The following OR51B5 variants were observed in gnomAD, a reference collection of about 807,000 sequenced individuals.
OR51B5 encodes the protein olfactory receptor family 51 subfamily B member 5.
For synonymous variants in OR51B5, 186 were observed against 144.8 expected (o/e 1.28, Z -2.04); for missense variants, 456 against 374.6 (o/e 1.22, Z -1.79).
At chr11:5,400,007 A>C (rs138543761) in intron 1 of OR51B5, among the ~76,000 whole-genome samples, 1 of 152,338 alleles carries the variant, frequency 6.6e-6, no homozygotes, top group East Asian at 1.9e-4. Flanking sequence ...TATTTGGTCT[A>C]TTTAAAGAAC....
At chr11:5,393,752 T>C (rs1032274095) in intron 1 of OR51B5, among the ~76,000 whole-genome samples, 3 of 152,192 alleles carry the variant, frequency 2.0e-5, no homozygotes, top group African/African-American at 7.2e-5. Context: ...GGAGGTATTA[T>C]TATTTTCAAT....
intron 1 of OR51B5, chr11:5,354,808 G>A (rs2736564): frequency 0.32 from 61,032 of 190,528 alleles, 11,237 homozygotes; most frequent in African/African-American, 0.37. Flanking sequence ...CAAACAGTTT[G>A]AAGAATATGT....
chr11:5,480,056 T>G (rs1430442181), intron 1 of OR51B5, among the ~76,000 whole-genome samples: 1 of 151,996 alleles, frequency 6.6e-6, no homozygotes, highest in African/African-American at 2.4e-5. Context: ...CAACAGAATA[T>G]ACATTTTTTT....
intron 1 of OR51B5, among the ~76,000 whole-genome samples, chr11:5,359,919 G>C (rs1032799996): frequency 6.6e-5 from 10 of 152,188 alleles, no homozygotes; most frequent in African/African-American, 2.4e-4. Flanking sequence ...AATAAATGGT[G>C]CTGGGAAAAC....
chr11:5,389,449 T>C (rs567680788), intron 1 of OR51B5: 4 of 1,613,910 alleles, frequency 2.5e-6, no homozygotes, highest in Non-Finnish European at 3.4e-6. Context: ...TATCCAACAT[T>C]ACTCAGTTTA....
intron 1 of OR51B5, among the ~76,000 whole-genome samples, chr11:5,461,647 T>C (rs7935943): frequency 1.3e-5 from 2 of 152,078 alleles, no homozygotes; most frequent in African/African-American, 2.4e-5. Flanking sequence ...TTGCACAGAC[T>C]GGAGTTCTGT....
rs10636129 is a variant in OR51B5 at position 5,418,877 on chromosome 11, T to TAAAA, written n.85-71971_85-71968dup. On this transcript the variant is annotated intron_variant and non_coding_transcript_variant, in intron 1 of 4. Coordinates refer to the OR51B5 transcript ENST00000415970. Reference sequence around the variant, plus strand: ...ATGTACCCCAGAACTTGAAGTATTATAAAAAAAAAAAAAGCATCATCTGGT... The same window carrying TAAAA: ...ATGTACCCCAGAACTTGAAGTATTATAAAAAAAAAAAAAAAAAGCATCATCTGGT... Among the ~76,000 whole-genome samples the TAAAA allele has an allele frequency of 9.6e-3, 1,285 of 133,612 alleles. 46 individuals are homozygous for TAAAA. The highest frequency in any genetic ancestry group is 0.027 in the South Asian group (109 of 4,058). 87.7% of individuals were successfully genotyped at this position (133,612 alleles called of 152,430 possible). A position where few individuals can be genotyped will look rare whatever the true frequency, so the allele number is the denominator to read the frequency against.
upstream of OR51B5, among the ~76,000 whole-genome samples, chr11:5,344,775 T>A (rs1414859988): frequency 1.3e-5 from 2 of 152,182 alleles, no homozygotes; most frequent in African/African-American, 2.4e-5. Flanking sequence ...AAGTCCCTAA[T>A]CTTATAAACC....
intron 1 of OR51B5, among the ~76,000 whole-genome samples, chr11:5,420,592 ACT>A (rs925498232): frequency 6.6e-6 from 1 of 152,140 alleles, no homozygotes. Context: ...AGAAAATTTC[ACT>A]TTTAAAGATT....
intron 1 of OR51B5, among the ~76,000 whole-genome samples, chr11:5,452,880 T>C (rs991337935): frequency 6.6e-6 from 1 of 152,336 alleles, no homozygotes; most frequent in Admixed American, 6.5e-5. Flanking sequence ...TTGTTGCTTT[T>C]TTGCAGTAAT....
chr11:5,382,935 G>A (rs797007740), intron 1 of OR51B5, among the ~76,000 whole-genome samples: 12 of 152,214 alleles, frequency 7.9e-5, no homozygotes, highest in African/African-American at 2.9e-4. Context: ...CCTATTTAAA[G>A]GATGTAATAC....
intron 1 of OR51B5, among the ~76,000 whole-genome samples, chr11:5,415,772 T>G (rs1001100603): frequency 6.6e-6 from 1 of 152,074 alleles, no homozygotes; most frequent in Admixed American, 6.6e-5. Flanking sequence ...GCTGAAATTG[T>G]GGCAATAATC....
intron 1 of OR51B5, among the ~76,000 whole-genome samples, chr11:5,438,359 C>A (rs1217540588): frequency 2.6e-5 from 4 of 151,722 alleles, no homozygotes; most frequent in East Asian, 3.9e-4. Flanking sequence ...AGCAACACCC[C>A]CCCCCAGTTA....
At chr11:5,501,843 T>C (rs1846294637) in intron 1 of OR51B5, among the ~76,000 whole-genome samples, 1 of 147,880 alleles carries the variant, frequency 6.8e-6, no homozygotes, top group South Asian at 2.1e-4. Context: ...GGTATACATG[T>C]TCCATGTTGG....
chr11:5,441,366 A>G lies in OR51B5; in HGVS notation n.84+64203T>C, dbSNP rs1190518140. 1 of 1,613,886 alleles carries G rather than the reference A, an allele frequency of 6.2e-7. No individual in the cohort carries two copies. The highest frequency in any genetic ancestry group is 1.3e-5 in the African/African-American group (1 of 74,926). ...ATGCAGAGCAGGCTCCCAAAACACC[A>G]GAGTGAGAATGCTGAGGTTACCTAC... is the stretch of plus-strand genomic sequence containing the variant. On this transcript the variant is annotated intron_variant and non_coding_transcript_variant, in intron 1 of 4. Coordinates refer to the OR51B5 transcript ENST00000415970.
At chr11:5,452,487 A>G (rs1469078722) in intron 1 of OR51B5, among the ~76,000 whole-genome samples, 1 of 135,930 alleles carries the variant, frequency 7.4e-6, no homozygotes, top group African/African-American at 2.8e-5. Context: ...CCTGGGCAAA[A>G]GAGAGAGACT....
intron 1 of OR51B5, among the ~76,000 whole-genome samples, chr11:5,374,676 C>T (rs1028191133): frequency 3.3e-5 from 5 of 152,042 alleles, no homozygotes; most frequent in East Asian, 1.9e-4. Context: ...TCGAGAATGA[C>T]GTGAAGAATG....
At chr11:5,375,281 G>C (rs943384765) in intron 1 of OR51B5, among the ~76,000 whole-genome samples, 10 of 151,370 alleles carry the variant, frequency 6.6e-5, no homozygotes, top group Non-Finnish European at 1.0e-4. Context: ...ACAAGCAAAT[G>C]CTGAGAGATT....
rs538075744 is a variant in OR51B5 at position 5,415,864 on chromosome 11, C to T, written n.85-68954G>A. On this transcript the variant is annotated intron_variant and non_coding_transcript_variant, in intron 1 of 4. Coordinates refer to the OR51B5 transcript ENST00000415970. ...CCAGAGGTACAAGGAGGAACTGGTA[C>T]CATTCCTTCTGAAACTATTCCAATC... 1.2e-4 allele frequency among the ~76,000 whole-genome samples: 18 copies of T among 151,624 alleles called. No homozygotes were observed. The East Asian group carries it at 3.1e-3, about 26-fold the overall frequency.
Sources: allele counts gnomAD v4.1 joint callset (sites outside exome capture counted in the v4.1 genomes callset), GRCh38; gene constraint gnomAD v4.1.1; transcripts MANE v1.5; gene names NCBI Gene and HGNC (gene_info 2026-07-23, HGNC 2026-07-21).